ATP8B4: variants seen among roughly 807,000 people sequenced by gnomAD.
ATP8B4 encodes the protein ATPase phospholipid transporting 8B4 (putative), also known as probable phospholipid-transporting ATPase IM.
A neutral mutation model predicts 145.6 loss-of-function variants in ATP8B4; 133 were observed. That is an observed-to-expected ratio of 0.91 (90% CI 0.79 to 1.05). The LOEUF (loss-of-function observed/expected upper bound fraction) is 1.05, where lower values mean the gene tolerates loss of function less well. Among genes scored for constraint, ATP8B4 ranks in the 50% least tolerant of loss-of-function variants. The probability of loss-of-function intolerance (pLI) is 0.00; values close to 1 mark genes in which losing one functional copy is unlikely to be tolerated. For synonymous variants in ATP8B4, 507 were observed against 492.9 expected (o/e 1.03, Z -0.38); for missense variants, 1,458 against 1,425.2 (o/e 1.02, Z -0.37).
chr15:50,035,507 C>T (rs2050767680), intron 6 of ATP8B4, among the ~76,000 whole-genome samples: 1 of 152,148 alleles, frequency 6.6e-6, no homozygotes, highest in African/African-American at 2.4e-5. Context: ...AAACCCTGGG[C>T]TAGTCATCCC....
intron 14 of ATP8B4, among the ~76,000 whole-genome samples, chr15:49,955,258 C>T (rs559439174): frequency 6.6e-6 from 1 of 152,248 alleles, no homozygotes; most frequent in African/African-American, 2.4e-5. Flanking sequence ...TCAACTGTAT[C>T]CCAAACCTCA....
At chr15:49,966,924 C>T (rs1458529647) in intron 13 of ATP8B4, among the ~76,000 whole-genome samples, 1 of 152,192 alleles carries the variant, frequency 6.6e-6, no homozygotes, top group African/African-American at 2.4e-5. Flanking sequence ...GAGGAAAGAA[C>T]AGGCAGCAAT....
intron 1 of ATP8B4, among the ~76,000 whole-genome samples, chr15:50,181,006 C>T (rs567024607): frequency 2.6e-5 from 4 of 152,052 alleles, no homozygotes; most frequent in African/African-American, 2.4e-5. Flanking sequence ...GTTGGTTCCC[C>T]GGGACCAAAC....
At chr15:50,053,444 T>G (rs1367788483) in intron 3 of ATP8B4, among the ~76,000 whole-genome samples, 2 of 152,230 alleles carry the variant, frequency 1.3e-5, no homozygotes, top group Admixed American at 6.5e-5. Context: ...AGTCTGCATT[T>G]CAAGCCTGCT....
intron 12 of ATP8B4, among the ~76,000 whole-genome samples, chr15:49,976,438 A>G (rs907798786): frequency 6.6e-6 from 1 of 152,100 alleles, no homozygotes; most frequent in African/African-American, 2.4e-5. Flanking sequence ...ACCAACAGGG[A>G]CATTAAGACT....
chr15:49,940,093 A>T (rs1011368579), intron 14 of ATP8B4, among the ~76,000 whole-genome samples: 4 of 152,204 alleles, frequency 2.6e-5, no homozygotes, highest in Non-Finnish European at 4.4e-5. Flanking sequence ...ATACACATGC[A>T]CTTGTATGTT....
intron 2 of ATP8B4, among the ~76,000 whole-genome samples, chr15:50,087,097 T>C (rs1439885735): frequency 1.1e-5 from 1 of 90,948 alleles, no homozygotes; most frequent in Non-Finnish European, 1.8e-5. Flanking sequence ...TTATATATAA[T>C]AAATATAGAT....
At chr15:50,019,123 A>C in intron 6 of ATP8B4, 1 of 441,036 alleles carries the variant, frequency 2.3e-6, no homozygotes, top group Admixed American at 2.7e-5. Flanking sequence ...CAATCTTGAC[A>C]CTTGCAGAAA....
intron 6 of ATP8B4, among the ~76,000 whole-genome samples, chr15:50,022,029 T>C (rs919504068): frequency 6.6e-6 from 1 of 152,128 alleles, no homozygotes; most frequent in African/African-American, 2.4e-5. Context: ...GGATGAATCA[T>C]TGTAAGGCAA....
intron 3 of ATP8B4, among the ~76,000 whole-genome samples, chr15:50,063,195 G>C (rs1176089121): frequency 2.0e-5 from 3 of 152,022 alleles, no homozygotes; most frequent in African/African-American, 7.2e-5. Flanking sequence ...ATTGGAACTA[G>C]CTAAGTAAAC....
chr15:50,071,280 T>C (rs2053716134), intron 3 of ATP8B4, among the ~76,000 whole-genome samples: 1 of 152,202 alleles, frequency 6.6e-6, no homozygotes. Flanking sequence ...TTAACATCTA[T>C]TCAATATGGG....
intron 5 of ATP8B4, among the ~76,000 whole-genome samples, chr15:50,042,361 T>A: frequency 6.6e-6 from 1 of 152,330 alleles, no homozygotes; most frequent in South Asian, 2.1e-4. Context: ...AAAAATTATA[T>A]GTAAGATAAC....
At position 50,047,201 on chromosome 15, in the gene ATP8B4, G is replaced by A. The variant is rs2051790589; in HGVS notation, c.201+150C>T. ...CCATTCCTACCTCTCCCACGTTTGT[G>A]AAAAGAAACAGCAACAACAAGATTA... On this transcript the variant is annotated intron_variant, in intron 4 of 27. Coordinates refer to ENST00000284509, the MANE Select transcript of ATP8B4 (RefSeq NM_024837.4). 2.5e-5 allele frequency: 15 copies of A among 594,514 alleles called. No individual in the cohort carries two copies. In the South Asian group the frequency reaches 3.1e-4, roughly 12 times the overall value. 36.8% of individuals were successfully genotyped at this position (594,514 alleles called of 1,614,324 possible). A position where few individuals can be genotyped will look rare whatever the true frequency, so the allele number is the denominator to read the frequency against.
At chr15:50,021,292 TCTA>T (rs1194274581) in intron 6 of ATP8B4, among the ~76,000 whole-genome samples, 1 of 152,226 alleles carries the variant, frequency 6.6e-6, no homozygotes, top group Non-Finnish European at 1.5e-5. Flanking sequence ...CTCTCTGCTG[TCTA>T]CTGTCTACAC....
intron 25 of ATP8B4, 118 bp downstream of exon 25, chr15:49,876,160 A>G: frequency 1.5e-6 from 2 of 1,360,586 alleles, no homozygotes; most frequent in Non-Finnish European, 2.0e-6. Flanking sequence ...ACTTAAAAGG[A>G]CAGCCCCAGT....
At chr15:49,950,613 A>AC (rs2043001492) in intron 14 of ATP8B4, among the ~76,000 whole-genome samples, 1 of 75,894 alleles carries the variant, frequency 1.3e-5, no homozygotes, top group Non-Finnish European at 3.5e-5. Context: ...CAAACAAACA[A>AC]ACAAACAAAA....
intron 6 of ATP8B4, among the ~76,000 whole-genome samples, chr15:50,017,114 A>G (rs987554042): frequency 2.0e-5 from 3 of 152,232 alleles, no homozygotes; most frequent in African/African-American, 7.2e-5. Context: ...GCAAGCTGCC[A>G]TGAATCTTTG....
chr15:50,049,378 C>T (rs912959687), intron 3 of ATP8B4, among the ~76,000 whole-genome samples: 11 of 152,192 alleles, frequency 7.2e-5, no homozygotes, highest in Admixed American at 7.2e-4. Context: ...TTAGCCCCCA[C>T]TCATAAGTGA....
At position 49,972,681 on chromosome 15, in the gene ATP8B4, C is replaced by A; in HGVS notation, c.1144G>T (p.Glu382Ter). ...AAAATGTACTCAATCTGCCCCAGTT[C>A]CTCATTGAGCGTGGTCGTTCGAGCC... is the stretch of plus-strand genomic sequence containing the variant. ...AVARTTTLNE[E>*]LGQIEYIFSD... The change falls in exon 13 of 28, where the codon GAA becomes TAA. Residue 382 changes from glutamate (E) to a stop codon, truncating the protein, a stop_gained. Coordinates refer to ENST00000284509, the MANE Select transcript of ATP8B4 (RefSeq NM_024837.4). LOFTEE classifies it high-confidence loss of function. 4.3e-6 allele frequency: 7 copies of A among 1,613,988 alleles called. No homozygotes were observed. The highest frequency in any genetic ancestry group is 5.9e-6 in the Non-Finnish European group (7 of 1,179,982).
Sources: allele counts gnomAD v4.1 joint callset (sites outside exome capture counted in the v4.1 genomes callset), GRCh38; gene constraint gnomAD v4.1.1; transcripts MANE v1.5; gene names NCBI Gene and HGNC (gene_info 2026-07-23, HGNC 2026-07-21).